The following ATXN7 variants were observed in gnomAD, a reference collection of about 807,000 sequenced individuals.
The protein encoded by ATXN7 is ataxin 7.
In ATXN7, 12 loss-of-function variants were observed where a neutral mutation model predicts 70.5. That is an observed-to-expected ratio of 0.17 (90% confidence interval 0.11 to 0.28). The LOEUF (loss-of-function observed/expected upper bound fraction) is 0.28, where lower values mean the gene tolerates loss of function less well. Ranked by LOEUF, ATXN7 falls within the 10% of genes least tolerant of loss-of-function variation. ATXN7 has a pLI of 1.00. For synonymous variants in ATXN7, 498 were observed against 448.7 expected (o/e 1.11, Z -1.39); for missense variants, 1,256 against 1,131.7 (o/e 1.11, Z -1.58).
rs887792080 is a variant in ATXN7 at position 63,867,692 on chromosome 3, A to G, written c.-111+3534A>G. ...CATTTGAGGTCAGAAATTCAAGAGCAGCCTGGCCAACATGGTGAAACCCCA... is the reference window on the plus strand; with the variant it reads ...CATTTGAGGTCAGAAATTCAAGAGCGGCCTGGCCAACATGGTGAAACCCCA... On this transcript the variant is annotated intron_variant, in intron 1 of 12. Coordinates refer to ENST00000674280, the MANE Select transcript of ATXN7 (RefSeq NM_001377405.1). Among the ~76,000 whole-genome samples, 3 of 152,234 alleles carry G rather than the reference A, an allele frequency of 2.0e-5. No individual in the cohort carries two copies. In the East Asian group the frequency reaches 5.8e-4, roughly 29 times the overall value.
At chr3:63,947,315 G>A (rs2074880148) in intron 4 of ATXN7, among the ~76,000 whole-genome samples, 1 of 152,308 alleles carries the variant, frequency 6.6e-6, no homozygotes, top group Middle Eastern at 3.4e-3. Context: ...GCCAGGCGCA[G>A]TAGCTCACAC....
chr3:63,952,633 T>C, intron 5 of ATXN7, 150 bp downstream of exon 5: 1 of 438,598 alleles, frequency 2.3e-6, no homozygotes, highest in Non-Finnish European at 4.0e-6. Flanking sequence ...TTAATAACTA[T>C]CAGATGTTGG....
chr3:63,899,013 A>C (rs1703529487), intron 2 of ATXN7, among the ~76,000 whole-genome samples: 1 of 152,062 alleles, frequency 6.6e-6, no homozygotes, highest in African/African-American at 2.4e-5. Flanking sequence ...TGTGGTAATG[A>C]GTAGTCTCTG....
chr3:63,997,163 C>T (rs1024964338), intron 12 of ATXN7, among the ~76,000 whole-genome samples: 7 of 152,062 alleles, frequency 4.6e-5, no homozygotes, highest in Admixed American at 1.3e-4. Context: ...GAGGTGGAGG[C>T]AGGAGAACTG....
At chr3:63,988,463 G>T in intron 9 of ATXN7, 139 bp downstream of exon 9, 3 of 913,712 alleles carry the variant, frequency 3.3e-6, no homozygotes, top group Admixed American at 3.5e-5. Context: ...GTTTTACTAT[G>T]AAAAAAAAAA....
intron 1 of ATXN7, among the ~76,000 whole-genome samples, chr3:63,897,762 T>C (rs1703490456): frequency 1.3e-5 from 2 of 152,334 alleles, no homozygotes. Flanking sequence ...GACCAGCTTA[T>C]TTTCTAACTT....
intron 4 of ATXN7, among the ~76,000 whole-genome samples, chr3:63,926,766 G>A (rs1040634788): frequency 1.3e-5 from 2 of 151,964 alleles, no homozygotes; most frequent in Admixed American, 6.6e-5. Flanking sequence ...CTAGACTTAG[G>A]TTAAGTGTCA....
Position 63,990,373 on chromosome 3 carries a change from C to A in ATXN7, c.1559C>A (p.Ser520Tyr). Residue 520 changes from serine to tyrosine, a missense_variant and splice_region_variant, in exon 10 of 13, where the codon TCT becomes TAT. Physicochemically the swap from Ser to Tyr is moderately radical, Grantham distance 144. Transcript: ENST00000674280. ...HYSGHHPQPA[S>Y]FCTFGSRQIG... ...TCAGGTCATCATCCTCAGCCAGCAT[C>A]TGTAAGTTCCACGTCCACCCCCGCG... The A allele has an allele frequency of 6.2e-7, 1 of 1,614,160 alleles. No homozygotes were observed. Among genetic ancestry groups the A allele is most frequent in the Non-Finnish European group, 8.5e-7 (1 of 1,180,026 alleles).
chr3:63,981,520 A>T (rs1284443092), intron 6 of ATXN7, among the ~76,000 whole-genome samples: 1 of 152,242 alleles, frequency 6.6e-6, no homozygotes, highest in Admixed American at 6.5e-5. Flanking sequence ...AAGCAAAATG[A>T]TAGTGTCAGT....
intron 1 of ATXN7, among the ~76,000 whole-genome samples, chr3:63,872,012 C>G (rs911422872): frequency 6.6e-6 from 1 of 152,022 alleles, no homozygotes; most frequent in African/African-American, 2.4e-5. Context: ...CAAATTTTCA[C>G]TTCAGTTATT....
intron 4 of ATXN7, among the ~76,000 whole-genome samples, chr3:63,925,585 G>A (rs983388737): frequency 2.0e-5 from 3 of 151,944 alleles, no homozygotes; most frequent in Admixed American, 6.5e-5. Flanking sequence ...TGTCTTCCAC[G>A]AAACTGGTCT....
At chr3:63,992,679 T>C (rs2075690989) in intron 11 of ATXN7, among the ~76,000 whole-genome samples, 1 of 152,230 alleles carries the variant, frequency 6.6e-6, no homozygotes, top group Admixed American at 6.5e-5. Context: ...CTCTGCTGTC[T>C]ACTCTGTTCT....
chr3:63,912,100 G>C (rs1704042001), intron 2 of ATXN7: 1 of 152,304 alleles, frequency 6.6e-6, no homozygotes, highest in African/African-American at 2.4e-5. Flanking sequence ...AGCCGGCCGG[G>C]TGCCGCCGCT....
intron 5 of ATXN7, among the ~76,000 whole-genome samples, chr3:63,956,350 G>A (rs902358704): frequency 6.7e-6 from 1 of 149,652 alleles, no homozygotes; most frequent in African/African-American, 2.5e-5. Flanking sequence ...GAACGCTGGA[G>A]GTGGAGCTTG....
chr3:63,945,420 C>G (rs993899683), intron 4 of ATXN7, among the ~76,000 whole-genome samples: 4 of 152,190 alleles, frequency 2.6e-5, no homozygotes, highest in African/African-American at 9.7e-5. Flanking sequence ...TTACTAGAAA[C>G]TGCCTCTAGG....
chr3:63,863,569 G>C, upstream of ATXN7: 12 of 1,196,176 alleles, frequency 1.0e-5, no homozygotes, highest in Non-Finnish European at 1.2e-5. Flanking sequence ...AGGGGCGCTC[G>C]GGCTCTGGCG....
At chr3:63,990,951 C>G (rs549887084) in intron 11 of ATXN7, 92 bp downstream of exon 11, 32 of 1,582,934 alleles carry the variant, frequency 2.0e-5, no homozygotes, top group African/African-American at 2.7e-5. Flanking sequence ...TGAAGATATG[C>G]TTATCTAAAC....
chr3:63,913,918 A>G (rs994163877), intron 4 of ATXN7, among the ~76,000 whole-genome samples: 8 of 152,320 alleles, frequency 5.3e-5, no homozygotes, highest in African/African-American at 1.9e-4. Context: ...GGAAAGTGTC[A>G]GACTTTTTCT....
chr3:63,966,198 A>C (rs972859113), intron 5 of ATXN7, among the ~76,000 whole-genome samples: 1 of 152,160 alleles, frequency 6.6e-6, no homozygotes, highest in Non-Finnish European at 1.5e-5. Context: ...GTTCTGTCAT[A>C]CAAGTACAGT....
Sources: gnomAD v4.1 joint callset for allele counts (sites outside exome capture counted in the v4.1 genomes callset) on GRCh38, gnomAD v4.1.1 for gene constraint, MANE v1.5 for transcripts, NCBI Gene and HGNC (gene_info 2026-07-23, HGNC 2026-07-21) for gene names.